Variants in DOCK2 observed in about 807,000 individuals in gnomAD.
DOCK2 encodes the protein dedicator of cytokinesis 2.
A neutral mutation model predicts 248.9 loss-of-function variants in DOCK2; 87 were observed. The ratio of observed to expected loss-of-function variants is 0.35; its 90% CI spans 0.29 to 0.42. The LOEUF is 0.42. DOCK2 is among the 10% of genes least tolerant of loss of function. The probability of loss-of-function intolerance (pLI) is 1.00; values close to 1 mark genes in which losing one functional copy is unlikely to be tolerated. For missense variants in DOCK2, 1,747 were observed against 2,300.2 expected, an observed-to-expected ratio of 0.76 and a Z score of 4.92; for synonymous variants, 805 against 821.6, an observed-to-expected ratio of 0.98 and a Z score of 0.35.
intron 25 of DOCK2, among the ~76,000 whole-genome samples, chr5:169,777,629 T>A (rs1765458911): frequency 1.3e-5 from 2 of 152,152 alleles, no homozygotes; most frequent in South Asian, 4.1e-4. Flanking sequence ...AATTCCTGAT[T>A]TTGCTACCTT....
chr5:170,023,355 C>T (rs186356785), intron 33 of DOCK2, among the ~76,000 whole-genome samples: 6 of 152,054 alleles, frequency 3.9e-5, no homozygotes, highest in Non-Finnish European at 7.4e-5. Flanking sequence ...TGCATCTTGG[C>T]GTGGAGTAAG....
chr5:170,059,876 A>G (rs909743136), intron 44 of DOCK2, among the ~76,000 whole-genome samples: 4 of 152,254 alleles, frequency 2.6e-5, no homozygotes, highest in African/African-American at 9.6e-5. Context: ...ATGGCTTCTC[A>G]TAGATGGCAT....
intron 37 of DOCK2, among the ~76,000 whole-genome samples, chr5:170,041,475 A>T (rs1756516553): frequency 1.3e-5 from 2 of 152,214 alleles, no homozygotes; most frequent in Non-Finnish European, 2.9e-5. Flanking sequence ...AGCTGGGAAA[A>T]AAATCAGAAT....
At chr5:169,804,470 G>A (rs867896605) in intron 26 of DOCK2, among the ~76,000 whole-genome samples, 2 of 83,360 alleles carry the variant, frequency 2.4e-5, no homozygotes, top group African/African-American at 6.1e-5. Flanking sequence ...GTGTGTGTGT[G>A]TGTGTGTGTG....
At chr5:169,737,205 T>A (rs1215886282) in intron 22 of DOCK2, among the ~76,000 whole-genome samples, 1 of 151,856 alleles carries the variant, frequency 6.6e-6, no homozygotes. Flanking sequence ...GAGGGTGTAG[T>A]AGGTGAAAAT....
intron 41 of DOCK2, among the ~76,000 whole-genome samples, chr5:170,051,278 T>G (rs1268811726): frequency 6.6e-6 from 1 of 152,192 alleles, no homozygotes; most frequent in Non-Finnish European, 1.5e-5. Flanking sequence ...TGCAAGGCCA[T>G]CCATGATCTG....
intron 49 of DOCK2, 75 bp downstream of exon 49, chr5:170,079,221 G>A (rs1757942548): frequency 6.5e-7 from 1 of 1,534,218 alleles, no homozygotes; most frequent in Non-Finnish European, 8.8e-7. Flanking sequence ...AAAACCCAGG[G>A]CTTCCAGATA....
At chr5:170,082,059 A>C in intron 51 of DOCK2, 75 bp downstream of exon 51, 2 of 1,568,360 alleles carry the variant, frequency 1.3e-6, no homozygotes, top group Non-Finnish European at 1.7e-6. Context: ...GAGAGAAGAA[A>C]ATGGGGGGTT....
rs1760872291 is a variant in DOCK2 at position 169,699,999 on chromosome 5, G to A, written c.1133-15G>A. 1 of 1,613,124 alleles carries A rather than the reference G, an allele frequency of 6.2e-7. No individual in the cohort carries two copies. The highest frequency in any genetic ancestry group is 8.5e-7 in the Non-Finnish European group (1 of 1,179,462). On this transcript the variant is annotated splice_polypyrimidine_tract_variant and intron_variant, in intron 12 of 51. Transcript: ENST00000520908. ...TGCAAAAGTGGGCTCTTCACGGTGAGCTGTTCCTTTGCAGGCCTCTGGGTG... is the reference window on the plus strand; with the variant it reads ...TGCAAAAGTGGGCTCTTCACGGTGAACTGTTCCTTTGCAGGCCTCTGGGTG...
chr5:170,057,662 C>T lies in DOCK2; in HGVS notation c.4463C>T (p.Ser1488Leu), dbSNP rs149796867. Residue 1488 changes from serine (S) to leucine (L), a missense_variant, in exon 44 of 52, where the codon TCG becomes TTG. This residue lies in a region of DOCK2 where 513 missense variants were observed against 586.1 expected (regional missense o/e 0.88). Coordinates refer to ENST00000520908, the MANE Select transcript of DOCK2 (RefSeq NM_004946.3). ...ILRWFEVVHM[S>L]QTTISPLENA... is the part of the protein sequence containing the mutation. ...CGCTGGTTTGAGGTGGTGCACATGTCGCAGGTGAGTCTGGGACATTCGTGG... is the reference window on the plus strand; with the variant it reads ...CGCTGGTTTGAGGTGGTGCACATGTTGCAGGTGAGTCTGGGACATTCGTGG... The T allele has an allele frequency of 1.4e-5, 23 of 1,609,424 alleles. No homozygotes were observed. Among genetic ancestry groups the T allele is most frequent in the East Asian group, 2.2e-5 (1 of 44,752 alleles).
intron 25 of DOCK2, among the ~76,000 whole-genome samples, chr5:169,782,670 G>A (rs1191670899): frequency 6.6e-6 from 1 of 152,112 alleles, no homozygotes; most frequent in Non-Finnish European, 1.5e-5. Context: ...AAATTCAACA[G>A]CCATGTAGGT....
chr5:169,638,554 G>T (rs1314275538), intron 1 of DOCK2, among the ~76,000 whole-genome samples: 1 of 152,166 alleles, frequency 6.6e-6, no homozygotes, highest in Non-Finnish European at 1.5e-5. Context: ...TGAGACTCTT[G>T]TGAGGATTGA....
intron 27 of DOCK2, among the ~76,000 whole-genome samples, chr5:169,850,173 A>C (rs1234057455): frequency 4.2e-4 from 64 of 152,206 alleles, no homozygotes; most frequent in Admixed American, 4.2e-3. Context: ...TTATGTGACC[A>C]AGATGGTACC....
intron 26 of DOCK2, among the ~76,000 whole-genome samples, chr5:169,817,785 G>A (rs1347790011): frequency 6.6e-6 from 1 of 152,146 alleles, no homozygotes; most frequent in Non-Finnish European, 1.5e-5. Flanking sequence ...CCAGTCTTAC[G>A]TTTCTCCCGT....
chr5:169,872,779 G>C (rs1467486503), intron 27 of DOCK2, among the ~76,000 whole-genome samples: 1 of 152,198 alleles, frequency 6.6e-6, no homozygotes, highest in East Asian at 1.9e-4. Context: ...TCTGAAAGTA[G>C]GACCTAGTTT....
intron 22 of DOCK2, among the ~76,000 whole-genome samples, chr5:169,738,255 G>A (rs184835555): frequency 4.6e-5 from 7 of 152,300 alleles, no homozygotes; most frequent in East Asian, 1.9e-4. Context: ...TGCTATGATC[G>A]CATCTGTGTT....
chr5:169,765,969 A>G (rs920548993), intron 25 of DOCK2, among the ~76,000 whole-genome samples: 2 of 152,200 alleles, frequency 1.3e-5, no homozygotes, highest in Non-Finnish European at 2.9e-5. Flanking sequence ...GAAAAGAGGG[A>G]TGGAAATAAT....
chr5:169,670,979 G>A (rs894222049), intron 4 of DOCK2, 99 bp from the exon 5 acceptor site: 6 of 904,224 alleles, frequency 6.6e-6, no homozygotes, highest in African/African-American at 3.3e-5. Flanking sequence ...TGTCAGGAAG[G>A]CCCCTCCGCA....
chr5:170,007,589 G>A (rs923272082), intron 30 of DOCK2, among the ~76,000 whole-genome samples: 4 of 152,180 alleles, frequency 2.6e-5, no homozygotes, highest in African/African-American at 9.7e-5. Context: ...TCCATGGATT[G>A]TAGATCCATG....
Sources: allele counts gnomAD v4.1 joint callset (sites outside exome capture counted in the v4.1 genomes callset), GRCh38; gene constraint gnomAD v4.1.1; regional missense constraint gnomAD v4.1.1; transcripts MANE v1.5; gene names NCBI Gene and HGNC (gene_info 2026-07-23, HGNC 2026-07-21).